Variants in FGF12 observed in about 807,000 individuals in gnomAD.
FGF12 encodes the protein fibroblast growth factor 12B.
Under a neutral mutation model 23.6 loss-of-function variants are expected in FGF12, and 14 were observed. The observed-to-expected ratio is 0.59, with a 90% CI of 0.39 to 0.93. The LOEUF (loss-of-function observed/expected upper bound fraction) is 0.93, where lower values mean the gene tolerates loss of function less well. FGF12 is among the 40% of genes least tolerant of loss of function. The probability of loss-of-function intolerance (pLI) is 0.00; values close to 1 mark genes in which losing one functional copy is unlikely to be tolerated. For synonymous variants in FGF12, 62 were observed against 77.3 expected (o/e 0.80, Z 1.04); for missense variants, 175 against 217.8 (o/e 0.80, Z 1.24).
At chr3:192,474,840 G>A (rs896799990) in intron 2 of FGF12, among the ~76,000 whole-genome samples, 59 of 149,130 alleles carry the variant, frequency 4.0e-4, no homozygotes, top group African/African-American at 1.4e-3. Context: ...AGCTGAGATC[G>A]TGCCATTGTA....
chr3:192,500,066 C>T (rs1724087846), intron 2 of FGF12, among the ~76,000 whole-genome samples: 1 of 152,124 alleles, frequency 6.6e-6, no homozygotes, highest in South Asian at 2.1e-4. Flanking sequence ...AAAGTCCTGC[C>T]TCTGTCAATG....
At chr3:192,213,644 GCCT>G (rs1008201027) in intron 4 of FGF12, among the ~76,000 whole-genome samples, 2 of 152,086 alleles carry the variant, frequency 1.3e-5, no homozygotes, top group African/African-American at 2.4e-5. Flanking sequence ...CATTTTAACT[GCCT>G]CATTTCAGGA....
At chr3:192,595,692 G>T (rs529646079) in intron 2 of FGF12, among the ~76,000 whole-genome samples, 2 of 152,292 alleles carry the variant, frequency 1.3e-5, no homozygotes, top group African/African-American at 4.8e-5. Context: ...AATCATTGTT[G>T]TAGTAAGTGG....
At chr3:192,209,000 T>C (rs61255117) in intron 4 of FGF12, among the ~76,000 whole-genome samples, 2,508 of 152,352 alleles carry the variant, frequency 0.016, 57 homozygotes, top group East Asian at 0.05. Context: ...TCTTTTCTAA[T>C]GTGTTTGATA....
At chr3:192,545,133 T>C (rs1286445074) in intron 2 of FGF12, among the ~76,000 whole-genome samples, 1 of 152,084 alleles carries the variant, frequency 6.6e-6, no homozygotes, top group African/African-American at 2.4e-5. Context: ...AGCATAGCAT[T>C]ATAGGGGATT....
chr3:192,266,249 G>A (rs901185145), intron 4 of FGF12, among the ~76,000 whole-genome samples: 2 of 152,102 alleles, frequency 1.3e-5, no homozygotes, highest in African/African-American at 2.4e-5. Flanking sequence ...CTTTGGTTAT[G>A]TCTAAGACCC....
chr3:192,386,786 A>G (rs970271450), intron 2 of FGF12, among the ~76,000 whole-genome samples: 4 of 152,206 alleles, frequency 2.6e-5, no homozygotes, highest in Non-Finnish European at 4.4e-5. Context: ...TAAAAAGGCA[A>G]TTGGGAGAGG....
At position 192,170,334 on chromosome 3, in the gene FGF12, C is replaced by G. The variant is rs2046917; in HGVS notation, c.427+124G>C. 0.47 allele frequency: 320,571 copies of G among 688,786 alleles called. 81,805 individuals carry two copies. The highest frequency in any genetic ancestry group is 0.88 in the African/African-American group (48,389 of 54,780). 42.7% of individuals were successfully genotyped at this position (688,786 alleles called of 1,614,324 possible). ...ATACTATTGTGTTCTCTGAATATTT[C>G]TTTTGAATCTTTCTTCTGATCTGTT... On this transcript the variant is annotated intron_variant, in intron 5 of 5. Coordinates refer to ENST00000445105, the MANE Select transcript of FGF12 (RefSeq NM_004113.6).
At chr3:192,538,676 G>C (rs1335070645) in intron 2 of FGF12, among the ~76,000 whole-genome samples, 1 of 152,110 alleles carries the variant, frequency 6.6e-6, no homozygotes, top group African/African-American at 2.4e-5. Context: ...GTGAAGAATA[G>C]AATGTCATTG....
chr3:192,212,786 TG>T (rs35232167), intron 4 of FGF12, among the ~76,000 whole-genome samples: 55,818 of 141,442 alleles, frequency 0.39, 11,455 homozygotes, highest in East Asian at 0.88. Flanking sequence ...TTCACAAAAA[TG>T]GGGGGGGGGT....
At position 192,190,620 on chromosome 3, in the gene FGF12, T is replaced by C. The variant is rs182999502; in HGVS notation, c.229-19964A>G. 8.2e-3 allele frequency among the ~76,000 whole-genome samples: 1,236 copies of C among 151,560 alleles called. 16 individuals are homozygous for C. The highest frequency in any genetic ancestry group is 0.028 in the African/African-American group (1,147 of 41,312). Reference sequence around the variant, plus strand: ...CCTCCCGAGTAGCTGGGACTACAGGTGCCCGCCACCGCGCCCGGCTAATTT... The same window carrying C: ...CCTCCCGAGTAGCTGGGACTACAGGCGCCCGCCACCGCGCCCGGCTAATTT... On this transcript the variant is annotated intron_variant, in intron 4 of 5. Transcript: ENST00000445105.
chr3:192,190,707 C>G lies in FGF12; in HGVS notation c.229-20051G>C, dbSNP rs376159576. On this transcript the variant is annotated intron_variant, in intron 4 of 5. Coordinates refer to ENST00000445105, the MANE Select transcript of FGF12 (RefSeq NM_004113.6). ...AGCCGGGATGGTCTCCATCTCCTGA[C>G]CTCGTGATCCGCCCACCTCGGCCTC... Among the ~76,000 whole-genome samples, 429 of 151,734 alleles carry G rather than the reference C, an allele frequency of 2.8e-3. 7 individuals are homozygous for G. The East Asian group carries it at 0.029, about 10-fold the overall frequency.
At chr3:192,445,358 G>A (rs1722321928) in intron 2 of FGF12, among the ~76,000 whole-genome samples, 2 of 152,214 alleles carry the variant, frequency 1.3e-5, no homozygotes, top group Non-Finnish European at 1.5e-5. Context: ...GCTCCAGTTA[G>A]AGACCCCACT....
chr3:192,333,427 A>C (rs962339320), intron 4 of FGF12, among the ~76,000 whole-genome samples: 2 of 152,044 alleles, frequency 1.3e-5, no homozygotes, highest in African/African-American at 4.8e-5. Context: ...GCCTTTTTTA[A>C]TTTTAATTCT....
At chr3:192,266,809 C>T (rs1418577508) in intron 4 of FGF12, among the ~76,000 whole-genome samples, 1 of 151,926 alleles carries the variant, frequency 6.6e-6, no homozygotes, top group African/African-American at 2.4e-5. Flanking sequence ...CACACACACA[C>T]ACACACACAC....
chr3:192,186,228 A>G (rs566980351), intron 4 of FGF12, among the ~76,000 whole-genome samples: 16 of 152,350 alleles, frequency 1.1e-4, no homozygotes, highest in Admixed American at 2.0e-4. Context: ...CCTGGAGAGT[A>G]TAAGGAAAAT....
In FGF12 at chr3:192,514,187, T is replaced by C. The variant is rs971234798; in HGVS notation, c.14-153649A>G. ...TAAATCTCCAGGGGAAACGTACCCC[T>C]AACCACCGCCAGATGTCTACTTTTC... On this transcript the variant is annotated intron_variant, in intron 2 of 5. Transcript: ENST00000445105. This position sits in a 1 kb window ranked among gnomAD's most constrained non-coding sequence, Gnocchi z 4.9. Among the ~76,000 whole-genome samples the C allele has an allele frequency of 4.6e-5, 7 of 152,162 alleles. No homozygotes were observed. Among genetic ancestry groups the C allele is most frequent in the Non-Finnish European group, 8.8e-5 (6 of 68,018 alleles).
At chr3:192,362,975 A>C (rs1003046434) in intron 2 of FGF12, among the ~76,000 whole-genome samples, 1 of 152,016 alleles carries the variant, frequency 6.6e-6, no homozygotes, top group Non-Finnish European at 1.5e-5. Flanking sequence ...TATTTCTAAT[A>C]AGCTTGATAA....
chr3:192,595,514 C>G (rs1713804927), intron 2 of FGF12, among the ~76,000 whole-genome samples: 1 of 152,164 alleles, frequency 6.6e-6, no homozygotes, highest in African/African-American at 2.4e-5. Flanking sequence ...GTGGTTCTTA[C>G]TCTTGAACAT....
Sources: allele counts gnomAD v4.1 joint callset (sites outside exome capture counted in the v4.1 genomes callset), GRCh38; gene constraint gnomAD v4.1.1; non-coding constraint Gnocchi (gnomAD v3.1); transcripts MANE v1.5; gene names NCBI Gene and HGNC (gene_info 2026-07-23, HGNC 2026-07-21).